HIRA: variants seen among roughly 807,000 people sequenced by gnomAD.
HIRA encodes the protein histone cell cycle regulator, also known as protein HIRA.
Under a neutral mutation model 126.6 loss-of-function variants are expected in HIRA, and 13 were observed. The ratio of observed to expected loss-of-function variants is 0.10; its 90% confidence interval spans 0.07 to 0.16. The LOEUF is 0.16. Ranked by LOEUF, HIRA falls within the 10% of genes least tolerant of loss-of-function variation. The probability of loss-of-function intolerance (pLI) is 1.00; values close to 1 mark genes in which losing one functional copy is unlikely to be tolerated. For synonymous variants in HIRA, 511 were observed against 520.0 expected (o/e 0.98, Z 0.24); for missense variants, 834 against 1,314.4 (o/e 0.63, Z 5.65).
intron 24 of HIRA, among the ~76,000 whole-genome samples, chr22:19,342,835 C>T (rs541671379): frequency 1.5e-3 from 226 of 152,260 alleles, no homozygotes; most frequent in African/African-American, 5.2e-3. Flanking sequence ...TGCAAAAATA[C>T]GGAACCAGTC....
intron 1 of HIRA, among the ~76,000 whole-genome samples, chr22:19,429,329 G>A (rs1418369894): frequency 2.6e-5 from 4 of 151,804 alleles, no homozygotes; most frequent in Non-Finnish European, 5.9e-5. Flanking sequence ...GTAGAGACGG[G>A]GTTTCACCAT....
chr22:19,427,885 T>G (rs1478723408), intron 1 of HIRA, among the ~76,000 whole-genome samples: 1 of 152,252 alleles, frequency 6.6e-6, no homozygotes. Context: ...GTTTTTACTT[T>G]CTGACCTTAA....
At chr22:19,392,683 T>C (rs956716403) in intron 8 of HIRA, among the ~76,000 whole-genome samples, 1 of 152,232 alleles carries the variant, frequency 6.6e-6, no homozygotes, top group African/African-American at 2.4e-5. Flanking sequence ...GAATTCCTTA[T>C]TGCCTCACTG....
chr22:19,361,611 G>T, intron 16 of HIRA, 116 bp downstream of exon 16: 1 of 1,026,168 alleles, frequency 9.7e-7, no homozygotes, highest in Non-Finnish European at 1.5e-6. Context: ...GCATGTCTAA[G>T]CCAGCTGGTT....
chr22:19,420,040 T>TTGTGTGTGTG (rs59900884), intron 1 of HIRA, among the ~76,000 whole-genome samples: 51 of 147,318 alleles, frequency 3.5e-4, no homozygotes, highest in African/African-American at 1.3e-3. Context: ...CATACAACCA[T>TTGTGTGTGTG]TGTGTGTGTG....
intron 11 of HIRA, among the ~76,000 whole-genome samples, chr22:19,386,295 C>T (rs916652911): frequency 6.6e-6 from 1 of 152,208 alleles, no homozygotes; most frequent in African/African-American, 2.4e-5. Flanking sequence ...TACTCCCCTC[C>T]TTCTAGGCCC....
At chr22:19,415,135 G>C (rs1601856314) in intron 1 of HIRA, among the ~76,000 whole-genome samples, 1 of 151,946 alleles carries the variant, frequency 6.6e-6, no homozygotes, top group African/African-American at 2.4e-5. Context: ...TTACAGGCTT[G>C]AGCCACCCCG....
At chr22:19,398,168 C>CA in intron 5 of HIRA, 81 bp from the exon 6 acceptor site, 3 of 1,006,074 alleles carry the variant, frequency 3.0e-6, no homozygotes, top group Non-Finnish European at 4.6e-6. Context: ...GCCCCTGGGA[C>CA]CTGGGACCAT....
intron 15 of HIRA, among the ~76,000 whole-genome samples, chr22:19,368,116 C>G (rs2088930609): frequency 6.6e-6 from 1 of 152,220 alleles, no homozygotes; most frequent in Non-Finnish European, 1.5e-5. Context: ...TCCCTGCCTG[C>G]CTTCCCACTG....
intron 1 of HIRA, among the ~76,000 whole-genome samples, chr22:19,411,559 T>C (rs948541169): frequency 3.3e-5 from 5 of 152,238 alleles, no homozygotes; most frequent in Non-Finnish European, 7.3e-5. Flanking sequence ...GTTTAAGAGC[T>C]ACAAGTGGCA....
At chr22:19,364,981 C>T (rs2088899232) in intron 15 of HIRA, among the ~76,000 whole-genome samples, 1 of 152,184 alleles carries the variant, frequency 6.6e-6, no homozygotes, top group South Asian at 2.1e-4. Flanking sequence ...AGCCTTATTG[C>T]TAATATGGAG....
Position 19,353,977 on chromosome 22 carries a change from T to C in HIRA, c.2684+19A>G. The stretch of plus-strand genomic sequence containing the variant: ...AGGGCAGGACTAAGGACAGTGGCCA[T>C]GGCATTCAGGTCACGTACTTGGAGG... On this transcript the variant is annotated intron_variant, in intron 22 of 24. Transcript: ENST00000263208. 6.2e-7 allele frequency: 1 copy of C among 1,611,896 alleles called. No individual in the cohort carries two copies. Among genetic ancestry groups the C allele is most frequent in the Non-Finnish European group, 8.5e-7 (1 of 1,179,134 alleles).
chr22:19,403,084 A>G (rs148638416), intron 5 of HIRA, among the ~76,000 whole-genome samples: 62 of 149,076 alleles, frequency 4.2e-4, no homozygotes, highest in Non-Finnish European at 7.2e-4. Flanking sequence ...CCTGGGTGAC[A>G]TAGTGAGACA....
chr22:19,343,948 G>A (rs1209773011), intron 24 of HIRA, among the ~76,000 whole-genome samples: 1 of 148,284 alleles, frequency 6.7e-6, no homozygotes, highest in African/African-American at 2.5e-5. Context: ...CTGACCTCAA[G>A]TGATCTTCCC....
intron 5 of HIRA, chr22:19,399,322 T>G (rs1051402021): frequency 5.1e-6 from 1 of 194,666 alleles, no homozygotes; most frequent in Non-Finnish European, 9.2e-6. Context: ...TTTTTTCCAG[T>G]TAAAAAAAAA....
intron 15 of HIRA, among the ~76,000 whole-genome samples, chr22:19,369,437 C>T (rs2088944445): frequency 6.6e-6 from 1 of 152,146 alleles, no homozygotes; most frequent in Admixed American, 6.5e-5. Flanking sequence ...CTTTACAGGC[C>T]TAAGGTTAAG....
chr22:19,431,615 C>A lies in HIRA; in HGVS notation c.-139G>T. 1 of 803,246 alleles carries A rather than the reference C, an allele frequency of 1.2e-6. No homozygotes were observed. Among genetic ancestry groups the A allele is most frequent in the Non-Finnish European group, 1.5e-6 (1 of 663,566 alleles). 49.8% of individuals were successfully genotyped at this position (803,246 alleles called of 1,614,324 possible). On this transcript the variant is annotated 5_prime_UTR_variant, in exon 1 of 25. Coordinates refer to ENST00000263208, the MANE Select transcript of HIRA (RefSeq NM_003325.4). ...CCGCCCCGCGCCCTCAGGGCCGCCG[C>A]GCCATCGCCGGCCCGCGCCCCCCTC...
At chr22:19,425,030 C>A (rs569238492) in intron 1 of HIRA, among the ~76,000 whole-genome samples, 1 of 152,130 alleles carries the variant, frequency 6.6e-6, no homozygotes, top group Non-Finnish European at 1.5e-5. Context: ...GAGGTCCCAG[C>A]AGACGTCCCC....
At chr22:19,400,093 A>G (rs905989010) in intron 5 of HIRA, among the ~76,000 whole-genome samples, 1 of 152,268 alleles carries the variant, frequency 6.6e-6, no homozygotes, top group African/African-American at 2.4e-5. Flanking sequence ...ACAGACACAT[A>G]TAATGCAGCT....
Sources: allele counts gnomAD v4.1 joint callset (sites outside exome capture counted in the v4.1 genomes callset), GRCh38; gene constraint gnomAD v4.1.1; transcripts MANE v1.5; gene names NCBI Gene and HGNC (gene_info 2026-07-23, HGNC 2026-07-21).